The following PRAME variants were observed in gnomAD, a reference collection of about 807,000 sequenced individuals.
PRAME encodes PRAME nuclear receptor transcriptional regulator, also known as melanoma antigen preferentially expressed in tumors.
In PRAME, 21 loss-of-function variants were observed where a neutral mutation model predicts 32.1. That is an observed-to-expected ratio of 0.65 (90% CI 0.46 to 0.94). The LOEUF (loss-of-function observed/expected upper bound fraction) is 0.94, where lower values mean the gene tolerates loss of function less well. PRAME is among the 40% of genes least tolerant of loss of function. PRAME has a pLI of 0.00. For missense variants in PRAME, 651 were observed against 622.3 expected (o/e 1.05, Z -0.49); for synonymous variants, 274 against 251.5 (o/e 1.09, Z -0.85).
Position 22,548,539 on chromosome 22 carries a change from A to G in PRAME, c.1058T>C (p.Val353Ala), listed in dbSNP as rs1280905228. ...SQSPSVSQLSVLSLSGVMLTD... is the reference protein window; with the variant it reads ...SQSPSVSQLSALSLSGVMLTD... The stretch of plus-strand genomic sequence containing the variant: ...CAGCATGACCCCACTTAGACTCAGG[A>G]CACTTAGCTGACTGACGCTGGGACT... Residue 353 changes from valine to alanine, a missense_variant, in exon 6 of 6, where the codon GTC (valine) becomes GCC (alanine). Transcript: ENST00000405655. 6 of 1,613,490 alleles carry G rather than the reference A, an allele frequency of 3.7e-6. 1 individual carries two copies. The highest frequency in any genetic ancestry group is 1.3e-5 in the African/African-American group (1 of 74,812).
chr22:22,556,498 C>T (rs912883084), intron 3 of PRAME, among the ~76,000 whole-genome samples: 9 of 151,778 alleles, frequency 5.9e-5, no homozygotes, highest in African/African-American at 1.7e-4. Flanking sequence ...TTTTAGTAGA[C>T]GCGGGGTTTC....
Position 22,548,314 on chromosome 22 carries a change from T to C in PRAME, c.1283A>G (p.Gln428Arg). 2 of 1,613,752 alleles carry C rather than the reference T, an allele frequency of 1.2e-6. No individual in the cohort carries two copies. Among genetic ancestry groups the C allele is most frequent in the South Asian group, 2.2e-5 (2 of 91,062 alleles). The change falls in exon 6 of 6, where the codon CAG (glutamine) becomes CGG (arginine). Residue 428 changes from glutamine to arginine, a missense_variant. By Grantham distance (43) the Gln-to-Arg change is conservative. Transcript: ENST00000405655. The stretch of plus-strand genomic sequence containing the variant: ...CAGATTGCTCAGCCCGATGAGGTGC[T>C]GCAGGAGACTCTGCAGGGCAGATAT... Reference protein sequence around the residue: ...ISISALQSLLQHLIGLSNLTH... With the variant: ...ISISALQSLLRHLIGLSNLTH...
rs548511227 is a variant in PRAME, at chr22:22,550,362, A to G, written c.345-28T>C. 67 of 1,601,750 alleles carry G rather than the reference A, an allele frequency of 4.2e-5. No homozygotes were observed. The Middle Eastern group carries it at 6.1e-4, about 15-fold the overall frequency. ...GTGGGGAAAAACAGGTAATTAGCTG[A>G]GATGATGCTTTAAGATCAACTCAAA... is the stretch of plus-strand genomic sequence containing the variant. On this transcript the variant is annotated intron_variant, in intron 4 of 5. Transcript: ENST00000405655.
At chr22:22,558,743 A>G (rs1054300440) in intron 1 of PRAME, among the ~76,000 whole-genome samples, 1 of 151,318 alleles carries the variant, frequency 6.6e-6, no homozygotes, top group East Asian at 2.0e-4. Flanking sequence ...GAGACGTCCA[A>G]GTCTGGACTC....
Position 22,548,005 on chromosome 22 carries a change from C to T in PRAME, c.*62G>A. On this transcript the variant is annotated 3_prime_UTR_variant, in exon 6 of 6. Coordinates refer to ENST00000405655, the MANE Select transcript of PRAME (RefSeq NM_206956.3). ...GTGGCTGCTTTGTTGCTTCAAGATG[C>T]ATGCACATCCTGGCTTTAGTGTCCA... 1.3e-6 allele frequency: 2 copies of T among 1,490,968 alleles called. No homozygotes were observed. Among genetic ancestry groups the T allele is most frequent in the South Asian group, 2.6e-5 (2 of 76,858 alleles). 92.4% of individuals were successfully genotyped at this position (1,490,968 alleles called of 1,614,324 possible).
At chr22:22,554,533 T>C (rs546213794) in intron 3 of PRAME, among the ~76,000 whole-genome samples, 3 of 152,068 alleles carry the variant, frequency 2.0e-5, no homozygotes, top group South Asian at 4.2e-4. Context: ...TCATTGTCAA[T>C]GTCCCTAATT....
intron 3 of PRAME, 23 bp downstream of exon 3, chr22:22,556,789 G>A (rs747377272): frequency 5.6e-6 from 9 of 1,612,592 alleles, no homozygotes; most frequent in East Asian, 4.5e-5. Context: ...GAGCACCTCA[G>A]ACAGCTCAGG....
intron 2 of PRAME, 85 bp downstream of exon 2, chr22:22,557,460 C>G (rs2062997682): frequency 6.5e-6 from 1 of 154,500 alleles, no homozygotes; most frequent in African/African-American, 2.4e-5. Context: ...AGAGAGAAAA[C>G]AGGGACCCGG....
Position 22,550,203 on chromosome 22 carries a change from C to G in PRAME, c.476G>C (p.Arg159Pro), listed in dbSNP as rs765231019. 19 of 1,613,852 alleles carry G rather than the reference C, an allele frequency of 1.2e-5. No individual in the cohort carries two copies. The highest frequency in any genetic ancestry group is 1.6e-5 in the Non-Finnish European group (19 of 1,179,982). The change falls in exon 5 of 6, where the codon CGA (arginine) becomes CCA (proline). Residue 159 changes from arginine to proline, a missense_variant. Physicochemically the swap from Arg to Pro is moderately radical, Grantham distance 103 (BLOSUM62 -2). Transcript: ENST00000405655. ...CTCTGTGCTCAAACCATCTACTTTT[C>G]GCTTCTTTGTCATGGGCTGAGCTGC... ...PEAAQPMTKKRKVDGLSTEAE... is the reference protein window; with the variant it reads ...PEAAQPMTKKPKVDGLSTEAE...
Position 22,548,193 on chromosome 22 carries a change from CCT to C in PRAME, c.1402_1403del (p.Arg468GlyfsTer5). The part of the protein sequence containing the change: ...ERLAYLHARL[R>X]ELLCELGRPS... Reference sequence around the variant, plus strand: ...GCCGCCCCAACTCACACAGCAACTCCCTGAGCCTGGCATGCAGATAGGCAAGC... The same window carrying C: ...GCCGCCCCAACTCACACAGCAACTCCGAGCCTGGCATGCAGATAGGCAAGC... On this transcript the variant is annotated frameshift_variant, in exon 6 of 6. Coordinates refer to ENST00000405655, the MANE Select transcript of PRAME (RefSeq NM_206956.3). LOFTEE classifies it low-confidence loss of function (END_TRUNC). 1.9e-6 allele frequency: 3 copies of C among 1,613,838 alleles called. No homozygotes were observed. Among genetic ancestry groups the C allele is most frequent in the Non-Finnish European group, 2.5e-6 (3 of 1,179,958 alleles).
chr22:22,549,543 C>A lies in PRAME; in HGVS notation c.953+183G>T, dbSNP rs574314104. ...CATCTATCCTAATGTATACCTCTAA[C>A]CCTTATGAGTAGTAGTTATGTGATA... On this transcript the variant is annotated intron_variant, in intron 5 of 5. Coordinates refer to ENST00000405655, the MANE Select transcript of PRAME (RefSeq NM_206956.3). Among the ~76,000 whole-genome samples the A allele has an allele frequency of 1.9e-4, 29 of 151,990 alleles. 1 individual carries two copies. In the South Asian group the frequency reaches 5.6e-3, roughly 29 times the overall value.
chr22:22,548,417 G>A lies in PRAME; in HGVS notation c.1180C>T (p.Gln394Ter). The A allele has an allele frequency of 1.2e-6, 2 of 1,613,584 alleles. No homozygotes were observed. Among genetic ancestry groups the A allele is most frequent in the African/African-American group, 2.7e-5 (2 of 74,952 alleles). Residue 394 changes from glutamine (Q) to a stop codon, truncating the protein, a stop_gained, in exon 6 of 6, where the codon CAG becomes TAG. Coordinates refer to ENST00000405655, the MANE Select transcript of PRAME (RefSeq NM_206956.3). LOFTEE classifies it low-confidence loss of function (END_TRUNC). ...AGGGAAGGCAGGAGGGCAAGGAGCT[G>A]ATCATCCGTGATCCCACACTCATCA... ...VFDECGITDD[Q>*]LLALLPSLSH...
rs556593182 is a variant in PRAME, at chr22:22,556,288, C to T, written c.21+524G>A. On this transcript the variant is annotated intron_variant, in intron 3 of 5. Transcript: ENST00000405655. The stretch of plus-strand genomic sequence containing the variant: ...ATGGTACTGGGATTGGGATTACATG[C>T]ATGAGCCACCATGCCTGGCCTAGGG... Among the ~76,000 whole-genome samples, 207 of 151,976 alleles carry T rather than the reference C, an allele frequency of 1.4e-3. 1 individual carries two copies. Among genetic ancestry groups the T allele is most frequent in the Middle Eastern group, 0.01 (3 of 288 alleles).
At chr22:22,554,301 C>T in intron 3 of PRAME, 2 of 957,472 alleles carry the variant, frequency 2.1e-6, no homozygotes, top group East Asian at 1.2e-4. Flanking sequence ...TGTCTTGCGG[C>T]CTGACTTTGT....
chr22:22,553,050 G>T, intron 3 of PRAME: 1 of 397,060 alleles, frequency 2.5e-6, no homozygotes, highest in East Asian at 7.4e-5. Flanking sequence ...TGATTGAATG[G>T]GATGTCTATT....
chr22:22,554,247 G>A, intron 3 of PRAME: 1 of 985,106 alleles, frequency 1.0e-6, no homozygotes, highest in Non-Finnish European at 1.2e-6. Flanking sequence ...GCACTGTGAA[G>A]TCCCTACAAT....
At position 22,551,401 on chromosome 22, in the gene PRAME, C is replaced by T. The variant is rs16989531; in HGVS notation, c.22-312G>A. Among the ~76,000 whole-genome samples, 1,099 of 152,016 alleles carry T rather than the reference C, an allele frequency of 7.2e-3. 26 individuals carry two copies. Among genetic ancestry groups the T allele is most frequent in the Admixed American group, 0.046 (695 of 15,264 alleles). ...AAGTGAGAACTAAGGAGCCTGAGGG[C>T]TGACCCTGCTCATTTTGGGAAAAAG... On this transcript the variant is annotated intron_variant, in intron 3 of 5. Coordinates refer to ENST00000405655, the MANE Select transcript of PRAME (RefSeq NM_206956.3).
chr22:22,550,218 G>C lies in PRAME; in HGVS notation c.461C>G (p.Pro154Arg), dbSNP rs778007028. The part of the protein sequence containing the change: ...YSFPEPEAAQ[P>R]MTKKRKVDGL... ...ATCTACTTTTCGCTTCTTTGTCATG[G>C]GCTGAGCTGCTTCTGGCTCTGGAAA... is the stretch of plus-strand genomic sequence containing the variant. The change falls in exon 5 of 6, where the codon CCC becomes CGC. Residue 154 changes from proline to arginine, a missense_variant. By Grantham distance (103) the Pro-to-Arg change is moderately radical (BLOSUM62 -2). Coordinates refer to ENST00000405655, the MANE Select transcript of PRAME (RefSeq NM_206956.3). 1 of 1,613,808 alleles carries C rather than the reference G, an allele frequency of 6.2e-7. No individual in the cohort carries two copies. Among genetic ancestry groups the C allele is most frequent in the Non-Finnish European group, 8.5e-7 (1 of 1,179,974 alleles).
chr22:22,552,941 T>C (rs759086021), intron 3 of PRAME: 2 of 470,732 alleles, frequency 4.2e-6, no homozygotes, highest in Non-Finnish European at 8.8e-6. Context: ...ACCTCCCCTT[T>C]CAACTCCACG....
Sources: gnomAD v4.1 joint callset for allele counts (sites outside exome capture counted in the v4.1 genomes callset) on GRCh38, gnomAD v4.1.1 for gene constraint, MANE v1.5 for transcripts, NCBI Gene and HGNC (gene_info 2026-07-23, HGNC 2026-07-21) for gene names.